The following ARK2C variants were observed in gnomAD, a reference collection of about 807,000 sequenced individuals.
The protein encoded by ARK2C is arkadia (RNF111) C-terminal like ring finger ubiquitin ligase 2C, also known as E3 ubiquitin-protein ligase ARK2C.
chr18:46,401,954 C>T, the ARK2C span, among the ~76,000 whole-genome samples: 1 of 152,196 alleles, frequency 6.6e-6, no homozygotes, highest in Non-Finnish European at 1.5e-5. Context: ...AAATTAAACA[C>T]TACAAATCTG....
chr18:46,454,453 A>AT, the ARK2C span, among the ~76,000 whole-genome samples: 1 of 152,098 alleles, frequency 6.6e-6, no homozygotes, highest in African/African-American at 2.4e-5. Context: ...TGTAATTCTG[A>AT]TTTTCTGGAT....
chr18:46,337,693 G>C, the ARK2C span: 1 of 806,078 alleles, frequency 1.2e-6, no homozygotes, highest in African/African-American at 1.9e-5. Flanking sequence ...ATTTATTGTC[G>C]TATCCTGCTG....
At chr18:46,415,617 G>A in the ARK2C span, among the ~76,000 whole-genome samples, 22,550 of 152,046 alleles carry the variant, frequency 0.15, 1,814 homozygotes, top group East Asian at 0.28. Context: ...TATTGAGAAC[G>A]TGTTTTGGTG....
chr18:46,334,727 AGAGC>A, the ARK2C span: 9 of 308,332 alleles, frequency 2.9e-5, no homozygotes, highest in East Asian at 1.4e-4. The surrounding 1 kb of genome is among the most constrained non-coding windows in gnomAD (Gnocchi z 4.4). Context: ...AGAGAGAGAG[AGAGC>A]GCGCGCGCGA....
chr18:46,346,693 G>C, the ARK2C span, among the ~76,000 whole-genome samples: 2 of 152,168 alleles, frequency 1.3e-5, no homozygotes, highest in Non-Finnish European at 2.9e-5. Flanking sequence ...CTCATATAAA[G>C]TACGAGACAC....
chr18:46,458,412 C>G, the ARK2C span: 1 of 152,786 alleles, frequency 6.5e-6, no homozygotes, highest in African/African-American at 2.4e-5. Context: ...TTGCACTGCT[C>G]TGTAAGCCTC....
the ARK2C span, among the ~76,000 whole-genome samples, chr18:46,442,270 T>C: frequency 6.6e-6 from 1 of 152,214 alleles, no homozygotes; most frequent in African/African-American, 2.4e-5. Flanking sequence ...TTTCCTCCCT[T>C]CTACTTATTT....
At chr18:46,459,047 TGAAAACCAA>T in the ARK2C span, 1 of 152,230 alleles carries the variant, frequency 6.6e-6, no homozygotes, top group African/African-American at 2.4e-5. Flanking sequence ...AATGGCTGGG[TGAAAACCAA>T]GAATTCATCG....
the ARK2C span, among the ~76,000 whole-genome samples, chr18:46,436,288 G>A: frequency 6.6e-6 from 1 of 152,124 alleles, no homozygotes; most frequent in Non-Finnish European, 1.5e-5. Flanking sequence ...GTGTGTGTGT[G>A]TGCGTGTAAG....
chr18:46,380,643 T>C, the ARK2C span, among the ~76,000 whole-genome samples: 1 of 152,248 alleles, frequency 6.6e-6, no homozygotes, highest in Non-Finnish European at 1.5e-5. Flanking sequence ...CTCCTATGAC[T>C]GGGAGCTGGG....
chr18:46,337,511 T>C, the ARK2C span: 1 of 985,408 alleles, frequency 1.0e-6, no homozygotes. Flanking sequence ...CATTGTACGC[T>C]GCTTTTGTTC....
At chr18:46,455,919 G>A in the ARK2C span, 1 of 1,102,884 alleles carries the variant, frequency 9.1e-7, no homozygotes, top group Non-Finnish European at 1.4e-6. Context: ...AAAACCACCA[G>A]CCACCAGCTG....
At chr18:46,446,516 C>CA in the ARK2C span, among the ~76,000 whole-genome samples, 1 of 151,676 alleles carries the variant, frequency 6.6e-6, no homozygotes, top group Non-Finnish European at 1.5e-5. Flanking sequence ...ACTAAAACTA[C>CA]AAAAGTTATC....
chr18:46,431,052 C>G, the ARK2C span, among the ~76,000 whole-genome samples: 1 of 152,122 alleles, frequency 6.6e-6, no homozygotes, highest in Non-Finnish European at 1.5e-5. Context: ...TTGCCCCCCA[C>G]CCCTGGACAG....
chr18:46,334,224 A>T, the ARK2C span: 12 of 1,258,540 alleles, frequency 9.5e-6, no homozygotes, highest in Non-Finnish European at 1.2e-5. This position sits in a 1 kb window ranked among gnomAD's most constrained non-coding sequence, Gnocchi z 4.4. Flanking sequence ...GAGCCGCGCC[A>T]CAAAGGGCCC....
chr18:46,420,735 C>T, the ARK2C span, among the ~76,000 whole-genome samples: 2 of 152,060 alleles, frequency 1.3e-5, no homozygotes, highest in African/African-American at 4.8e-5. Context: ...ATCCCAGTTA[C>T]TCAGGAGGCT....
chr18:46,450,611 C>T, the ARK2C span: 130 of 1,005,052 alleles, frequency 1.3e-4, 1 homozygote, highest in African/African-American at 1.9e-3. Context: ...TGAATGCTTC[C>T]TGCTCATGTC....
chr18:46,348,900 C>CTGTG, the ARK2C span, among the ~76,000 whole-genome samples: 282 of 144,654 alleles, frequency 1.9e-3, no homozygotes, highest in African/African-American at 5.8e-3. Flanking sequence ...CTCTCTCTTT[C>CTGTG]TGTGTGTGTG....
At chr18:46,459,818 C>G in the ARK2C span, 1 of 152,872 alleles carries the variant, frequency 6.5e-6, no homozygotes, top group African/African-American at 2.4e-5. Context: ...GAGGGGAGAC[C>G]ACTGGTAAGT....
Sources: allele counts gnomAD v4.1 joint callset (sites outside exome capture counted in the v4.1 genomes callset), GRCh38; gene constraint gnomAD v4.1.1; non-coding constraint Gnocchi (gnomAD v3.1); transcripts MANE v1.5; gene names NCBI Gene and HGNC (gene_info 2026-07-23, HGNC 2026-07-21).